The following KIAA0825 variants were observed in gnomAD, a reference collection of about 807,000 sequenced individuals.
KIAA0825 encodes KIAA0825, also known as uncharacterized protein KIAA0825.
Under a neutral mutation model 147.6 loss-of-function variants are expected in KIAA0825, and 119 were observed. The ratio of observed to expected loss-of-function variants is 0.81; its 90% CI spans 0.69 to 0.94. The LOEUF (loss-of-function observed/expected upper bound fraction) is 0.94. Among genes scored for constraint, KIAA0825 ranks in the 40% least tolerant of loss-of-function variants. The pLI is 0.00. For synonymous variants in KIAA0825, 470 were observed against 518.1 expected, an observed-to-expected ratio of 0.91 and a Z score of 1.26; for missense variants, 1,381 against 1,472.7, an observed-to-expected ratio of 0.94 and a Z score of 1.02.
chr5:94,189,543 T>C (rs2149997081), intron 20 of KIAA0825, among the ~76,000 whole-genome samples: 1 of 152,272 alleles, frequency 6.6e-6, no homozygotes, highest in African/African-American at 2.4e-5. Context: ...TTTTCCTCCA[T>C]TGAAATAACT....
chr5:94,194,318 C>T (rs1433623775), intron 20 of KIAA0825, among the ~76,000 whole-genome samples: 2 of 152,060 alleles, frequency 1.3e-5, no homozygotes, highest in Non-Finnish European at 2.9e-5. Context: ...GTCCCTCTGC[C>T]TTCCATTCTA....
intron 20 of KIAA0825, among the ~76,000 whole-genome samples, chr5:94,174,516 A>G (rs1020423337): frequency 6.6e-6 from 1 of 152,138 alleles, no homozygotes; most frequent in African/African-American, 2.4e-5. Flanking sequence ...AAGTGTAAAA[A>G]ATTCATACCT....
intron 20 of KIAA0825, among the ~76,000 whole-genome samples, chr5:94,155,154 T>C (rs1019862513): frequency 2.6e-5 from 4 of 152,018 alleles, no homozygotes; most frequent in Non-Finnish European, 4.4e-5. Context: ...CACATGAATT[T>C]AGGGTGGAAT....
At chr5:94,509,272 T>G (rs1042977535) in intron 5 of KIAA0825, among the ~76,000 whole-genome samples, 1 of 152,216 alleles carries the variant, frequency 6.6e-6, no homozygotes, top group African/African-American at 2.4e-5. Flanking sequence ...GTTCCCTTTT[T>G]GTGTCCTAAC....
intron 4 of KIAA0825, 21 bp from the exon 5 acceptor site, chr5:94,520,938 G>T: frequency 6.7e-7 from 1 of 1,503,192 alleles, no homozygotes; most frequent in Non-Finnish European, 9.0e-7. Flanking sequence ...TATAACATTA[G>T]AAATGTGATT....
chr5:94,387,873 T>G (rs1372579255), intron 18 of KIAA0825, among the ~76,000 whole-genome samples: 2 of 152,120 alleles, frequency 1.3e-5, no homozygotes, highest in Non-Finnish European at 2.9e-5. Flanking sequence ...CTGTGCTTTT[T>G]TCTGTGCCTC....
At chr5:94,408,515 TTGTGTG>T (rs3050853) in intron 15 of KIAA0825, among the ~76,000 whole-genome samples, 17,530 of 147,072 alleles carry the variant, frequency 0.12, 1,133 homozygotes, top group East Asian at 0.26. Context: ...CTCAGCTAAT[TTGTGTG>T]TGTGTGTGTG....
intron 20 of KIAA0825, among the ~76,000 whole-genome samples, chr5:94,347,758 C>G (rs1783181926): frequency 6.6e-6 from 1 of 152,170 alleles, no homozygotes; most frequent in South Asian, 2.1e-4. Context: ...AAAAATCACA[C>G]TAGTTCACCA....
Position 94,599,147 on chromosome 5 carries a change from T to C in KIAA0825, c.-152-16564A>G, listed in dbSNP as rs546102057. On this transcript the variant is annotated intron_variant, in intron 1 of 20. Coordinates refer to ENST00000682413, the MANE Select transcript of KIAA0825 (RefSeq NM_001145678.3). ...CATCTTTGATAGCATTTGGTATTTT[T>C]TGTCTTTTTAATAATAGCCATCCTA... is the stretch of plus-strand genomic sequence containing the variant. Among the ~76,000 whole-genome samples, 6 of 152,202 alleles carry C rather than the reference T, an allele frequency of 3.9e-5. No individual in the cohort carries two copies. The South Asian group carries it at 8.3e-4, about 21-fold the overall frequency.
At chr5:94,333,442 A>T (rs182418564) in intron 20 of KIAA0825, among the ~76,000 whole-genome samples, 8 of 152,026 alleles carry the variant, frequency 5.3e-5, no homozygotes, top group Non-Finnish European at 7.4e-5. Context: ...GTTTTTTTGC[A>T]TATAGCTAGC....
At chr5:94,263,060 A>G (rs1160513421) in intron 20 of KIAA0825, among the ~76,000 whole-genome samples, 2 of 152,112 alleles carry the variant, frequency 1.3e-5, no homozygotes, top group African/African-American at 4.8e-5. Flanking sequence ...TTGCTGAGCT[A>G]TACATACTGC....
At chr5:94,186,617 A>G (rs1770141331) in intron 20 of KIAA0825, among the ~76,000 whole-genome samples, 1 of 152,244 alleles carries the variant, frequency 6.6e-6, no homozygotes, top group Admixed American at 6.5e-5. Flanking sequence ...CATTTTGAGT[A>G]AACAAATCCA....
chr5:94,512,076 C>T (rs1166538769), intron 5 of KIAA0825, among the ~76,000 whole-genome samples: 1 of 151,934 alleles, frequency 6.6e-6, no homozygotes, highest in Non-Finnish European at 1.5e-5. Flanking sequence ...CTCATACATA[C>T]ATAATTACAA....
chr5:94,500,691 C>T (rs953453553), intron 5 of KIAA0825, among the ~76,000 whole-genome samples: 1 of 152,162 alleles, frequency 6.6e-6, no homozygotes, highest in African/African-American at 2.4e-5. Context: ...ATCTGGCAAT[C>T]ATTCACACAC....
intron 5 of KIAA0825, among the ~76,000 whole-genome samples, chr5:94,517,819 T>C (rs1052839682): frequency 6.6e-6 from 1 of 151,942 alleles, no homozygotes; most frequent in Admixed American, 6.6e-5. Flanking sequence ...AGAGAAATGT[T>C]TTTAAATTTA....
chr5:94,523,445 T>G (rs977063046), intron 4 of KIAA0825, among the ~76,000 whole-genome samples: 2 of 151,610 alleles, frequency 1.3e-5, no homozygotes, highest in Non-Finnish European at 3.0e-5. Flanking sequence ...TTGCATAAAT[T>G]GCTACCTTGA....
intron 20 of KIAA0825, among the ~76,000 whole-genome samples, chr5:94,307,239 T>G (rs139890977): frequency 6.6e-6 from 1 of 151,814 alleles, no homozygotes; most frequent in Admixed American, 6.6e-5. Flanking sequence ...AAAAGAAAAC[T>G]TCATTTAAAG....
At chr5:94,400,484 G>T (rs1022001605) in intron 16 of KIAA0825, among the ~76,000 whole-genome samples, 5 of 152,036 alleles carry the variant, frequency 3.3e-5, no homozygotes, top group Non-Finnish European at 7.4e-5. Context: ...GTGACCAATG[G>T]CATGGACACA....
intron 19 of KIAA0825, among the ~76,000 whole-genome samples, chr5:94,385,526 C>G (rs1327229875): frequency 6.6e-6 from 1 of 152,170 alleles, no homozygotes; most frequent in Non-Finnish European, 1.5e-5. Flanking sequence ...CCTGTTAGTT[C>G]AAATTGTCTG....
Sources: gnomAD v4.1 joint callset for allele counts (sites outside exome capture counted in the v4.1 genomes callset) on GRCh38, gnomAD v4.1.1 for gene constraint, MANE v1.5 for transcripts, NCBI Gene and HGNC (gene_info 2026-07-23, HGNC 2026-07-21) for gene names.